The following SERPINE2 variants were observed in gnomAD, a reference collection of about 807,000 sequenced individuals.
SERPINE2 encodes serpin family E member 2.
A neutral mutation model predicts 36.3 loss-of-function variants in SERPINE2; 14 were observed. The observed-to-expected ratio is 0.39, with a 90% confidence interval of 0.25 to 0.60. The LOEUF (loss-of-function observed/expected upper bound fraction) is 0.60, where lower values mean the gene tolerates loss of function less well. Among genes scored for constraint, SERPINE2 ranks in the 20% least tolerant of loss-of-function variants. The pLI, the probability that SERPINE2 is intolerant of heterozygous loss-of-function variation, is 0.57. For missense variants in SERPINE2, 418 were observed against 499.6 expected (o/e 0.84, Z 1.56); for synonymous variants, 192 against 191.8 (o/e 1.00, Z -0.01).
At chr2:224,004,276 C>A (rs1399835125) in intron 1 of SERPINE2, among the ~76,000 whole-genome samples, 2 of 152,214 alleles carry the variant, frequency 1.3e-5, no homozygotes, top group Admixed American at 1.3e-4. Context: ...GGCCCCCCGA[C>A]ACAGAGGGCC....
chr2:224,011,917 G>C (rs914649019), intron 1 of SERPINE2, among the ~76,000 whole-genome samples: 1 of 152,168 alleles, frequency 6.6e-6, no homozygotes, highest in Non-Finnish European at 1.5e-5. Flanking sequence ...TACCAGCTTT[G>C]TGCACTTATC....
chr2:224,005,064 A>ATTATATATTTTT (rs1553547001), intron 1 of SERPINE2, among the ~76,000 whole-genome samples: 5 of 89,848 alleles, frequency 5.6e-5, no homozygotes, highest in East Asian at 3.0e-4. Flanking sequence ...TTTTATATAT[A>ATTATATATTTTT]TTATATATAT....
intron 4 of SERPINE2, among the ~76,000 whole-genome samples, chr2:223,987,736 G>A (rs555554443): frequency 1.9e-4 from 29 of 152,314 alleles, no homozygotes; most frequent in African/African-American, 6.0e-4. Flanking sequence ...TGTTTTGGGT[G>A]ACCCAGTTTT....
intron 1 of SERPINE2, among the ~76,000 whole-genome samples, chr2:224,021,472 AG>A (rs1385672544): frequency 1.4e-4 from 22 of 152,360 alleles, no homozygotes; most frequent in African/African-American, 5.3e-4. Flanking sequence ...GCAGACTAAC[AG>A]ATGACAGAAA....
chr2:224,038,741 G>A (rs1574857886), intron 1 of SERPINE2: 1 of 557,998 alleles, frequency 1.8e-6, no homozygotes, highest in Non-Finnish European at 3.2e-6. Flanking sequence ...TCAGGGTCAG[G>A]GCCGGCTCGG....
intron 1 of SERPINE2, among the ~76,000 whole-genome samples, chr2:224,033,290 C>T (rs1692436409): frequency 6.6e-6 from 1 of 152,148 alleles, no homozygotes; most frequent in Non-Finnish European, 1.5e-5. Flanking sequence ...AGTGGGAATA[C>T]AAACTAAATC....
chr2:223,977,189 A>G (rs543203289), intron 8 of SERPINE2, among the ~76,000 whole-genome samples: 2 of 152,332 alleles, frequency 1.3e-5, no homozygotes, highest in African/African-American at 4.8e-5. Context: ...ACAGACTAAT[A>G]CACAAAAGTT....
intron 6 of SERPINE2, 187 bp from the exon 7 acceptor site, chr2:223,980,584 C>A: frequency 1.8e-6 from 1 of 567,356 alleles, no homozygotes; most frequent in Non-Finnish European, 3.2e-6. Context: ...TCAGTCCCTG[C>A]TAAGTGAACT....
chr2:224,018,597 A>G (rs1691879763), intron 1 of SERPINE2, among the ~76,000 whole-genome samples: 1 of 151,814 alleles, frequency 6.6e-6, no homozygotes, highest in Non-Finnish European at 1.5e-5. Flanking sequence ...TCTCAAAAAA[A>G]AAAAATAATA....
intron 2 of SERPINE2, among the ~76,000 whole-genome samples, chr2:223,999,632 AG>A (rs1691030909): frequency 6.6e-6 from 1 of 152,192 alleles, no homozygotes; most frequent in Non-Finnish European, 1.5e-5. Context: ...CCGGCTTTGG[AG>A]GCTGAAAGAC....
rs1690694671 is a variant in SERPINE2, at chr2:223,992,001, C to A, written c.488-1G>T. 1 of 1,613,662 alleles carries A rather than the reference C, an allele frequency of 6.2e-7. No individual in the cohort carries two copies. On this transcript the variant is annotated splice_acceptor_variant, in intron 3 of 8. Coordinates refer to ENST00000409304, the MANE Select transcript of SERPINE2 (RefSeq NM_001136528.2). LOFTEE classifies it high-confidence loss of function. ...GGGGACAGCAGATTGTCAATCATAT[C>A]TGTGAAGCCAAAGAACAAACAAGGG... is the stretch of plus-strand genomic sequence containing the variant.
intron 7 of SERPINE2, 112 bp from the exon 8 acceptor site, chr2:223,977,739 A>C (rs1559191732): frequency 2.8e-6 from 2 of 727,114 alleles, no homozygotes; most frequent in Admixed American, 1.9e-5. Context: ...CTGAAGACAC[A>C]CTTCATGCTT....
intron 1 of SERPINE2, among the ~76,000 whole-genome samples, chr2:224,016,121 A>C (rs1691790684): frequency 6.6e-6 from 1 of 152,222 alleles, no homozygotes; most frequent in Admixed American, 6.5e-5. Context: ...ACTAGTGACA[A>C]CACCAATTGC....
chr2:223,998,809 G>A (rs565096507), intron 2 of SERPINE2, among the ~76,000 whole-genome samples: 1 of 152,324 alleles, frequency 6.6e-6, no homozygotes, highest in East Asian at 1.9e-4. Flanking sequence ...CTTAAGAAAA[G>A]GAGGGAGTGG....
At chr2:224,002,709 C>T (rs957315532) in intron 1 of SERPINE2, among the ~76,000 whole-genome samples, 1 of 145,434 alleles carries the variant, frequency 6.9e-6, no homozygotes, top group Non-Finnish European at 1.5e-5. Context: ...CTGTGTTTGC[C>T]AGGCTGGTCT....
Position 223,977,634 on chromosome 2 carries a change from G to C in SERPINE2, c.1073-7C>G, listed in dbSNP as rs1198044045. The C allele has an allele frequency of 6.3e-7, 1 of 1,598,028 alleles. No individual in the cohort carries two copies. Among genetic ancestry groups the C allele is most frequent in the East Asian group, 2.2e-5 (1 of 44,802 alleles). On this transcript the variant is annotated splice_polypyrimidine_tract_variant and splice_region_variant and intron_variant, in intron 7 of 8. Transcript: ENST00000409304. ...CTTGCAATGAGAATTGCAGCTACGG[G>C]AAGAAAAGGAAAATGTGTTGTGCAC...
intron 3 of SERPINE2, among the ~76,000 whole-genome samples, chr2:223,992,987 T>C (rs1429154078): frequency 6.6e-6 from 1 of 152,070 alleles, no homozygotes; most frequent in Non-Finnish European, 1.5e-5. Flanking sequence ...CAGCTGGGTA[T>C]GGTGGCATGC....
intron 1 of SERPINE2, among the ~76,000 whole-genome samples, chr2:224,021,343 A>G (rs1461646640): frequency 6.6e-6 from 1 of 152,196 alleles, no homozygotes; most frequent in Non-Finnish European, 1.5e-5. Context: ...GAGGTTGCAC[A>G]AACAGTTCAT....
intron 1 of SERPINE2, among the ~76,000 whole-genome samples, chr2:224,012,922 G>A (rs980532817): frequency 4.6e-5 from 7 of 152,108 alleles, no homozygotes; most frequent in African/African-American, 1.7e-4. Context: ...AGAAAGAGTT[G>A]AGAAATAATA....
Sources: allele counts gnomAD v4.1 joint callset (sites outside exome capture counted in the v4.1 genomes callset), GRCh38; gene constraint gnomAD v4.1.1; transcripts MANE v1.5; gene names NCBI Gene and HGNC (gene_info 2026-07-23, HGNC 2026-07-21).